The following CHN1 variants were observed in gnomAD, a reference collection of about 807,000 sequenced individuals.
CHN1 encodes N-chimaerin.
In CHN1, 37 loss-of-function variants were observed where a neutral mutation model predicts 59.5. The ratio of observed to expected loss-of-function variants is 0.62; its 90% CI spans 0.48 to 0.82. CHN1 has a LOEUF of 0.82. CHN1 is among the 40% of genes least tolerant of loss of function. The probability of loss-of-function intolerance (pLI) is 0.00; values close to 1 mark genes in which losing one functional copy is unlikely to be tolerated. For missense variants in CHN1, 469 were observed against 571.0 expected (o/e 0.82, Z 1.82); for synonymous variants, 206 against 200.4 (o/e 1.03, Z -0.24).
intron 6 of CHN1, among the ~76,000 whole-genome samples, chr2:174,866,233 A>G (rs1383930830): frequency 6.6e-6 from 1 of 152,216 alleles, no homozygotes; most frequent in East Asian, 1.9e-4. Flanking sequence ...ACTCCAAGCT[A>G]TGACCAAACA....
At chr2:174,936,197 C>T (rs1689490176) in intron 3 of CHN1, among the ~76,000 whole-genome samples, 1 of 152,056 alleles carries the variant, frequency 6.6e-6, no homozygotes, top group Non-Finnish European at 1.5e-5. Flanking sequence ...TATCCAACTC[C>T]CTGCAACACT....
At chr2:174,933,639 T>C (rs1478527675) in intron 3 of CHN1, among the ~76,000 whole-genome samples, 1 of 152,128 alleles carries the variant, frequency 6.6e-6, no homozygotes, top group Non-Finnish European at 1.5e-5. Flanking sequence ...AGCAAAGAAA[T>C]TGAGCGAGGC....
At chr2:174,870,350 CAA>C (rs1268031630) in intron 6 of CHN1, among the ~76,000 whole-genome samples, 3 of 152,054 alleles carry the variant, frequency 2.0e-5, no homozygotes, top group East Asian at 3.9e-4. Context: ...AAGAGGCCCC[CAA>C]AGAGTTAGGG....
intron 6 of CHN1, among the ~76,000 whole-genome samples, chr2:174,860,176 G>A (rs542764269): frequency 2.0e-5 from 3 of 152,190 alleles, no homozygotes; most frequent in South Asian, 2.1e-4. Context: ...TGAAATGAGA[G>A]CGTAGTCTCT....
At chr2:174,983,423 C>T (rs1691225632) in intron 1 of CHN1, among the ~76,000 whole-genome samples, 1 of 151,228 alleles carries the variant, frequency 6.6e-6, no homozygotes, top group Non-Finnish European at 1.5e-5. Context: ...TGCCATGGGC[C>T]AAAAAAACCC....
intron 5 of CHN1, among the ~76,000 whole-genome samples, chr2:174,910,330 G>A (rs1258412435): frequency 2.0e-5 from 3 of 152,002 alleles, no homozygotes; most frequent in African/African-American, 7.2e-5. Flanking sequence ...CCACTAATAA[G>A]TCAAAGTTAA....
chr2:174,859,997 T>C (rs751179405), intron 6 of CHN1, among the ~76,000 whole-genome samples: 1 of 152,136 alleles, frequency 6.6e-6, no homozygotes, highest in Non-Finnish European at 1.5e-5. Flanking sequence ...GGATAGGAGG[T>C]AAAGTGATAT....
At chr2:174,841,594 T>C (rs150430833) in intron 7 of CHN1, among the ~76,000 whole-genome samples, 1 of 152,268 alleles carries the variant, frequency 6.6e-6, no homozygotes, top group East Asian at 1.9e-4. Context: ...CATTGAGAAC[T>C]GGGGAAAGAG....
chr2:174,978,802 T>C (rs1691039497), intron 1 of CHN1, among the ~76,000 whole-genome samples: 2 of 152,312 alleles, frequency 1.3e-5, no homozygotes, highest in South Asian at 4.1e-4. Context: ...ATGTTATCCT[T>C]TGTCCTTCCA....
chr2:174,920,268 T>C (rs1688978280), intron 3 of CHN1, among the ~76,000 whole-genome samples: 1 of 152,244 alleles, frequency 6.6e-6, no homozygotes, highest in Non-Finnish European at 1.5e-5. Flanking sequence ...TCTTGAATAC[T>C]ATGAATAATG....
chr2:174,988,099 C>T (rs1691407765), intron 1 of CHN1, among the ~76,000 whole-genome samples: 1 of 152,108 alleles, frequency 6.6e-6, no homozygotes, highest in Admixed American at 6.5e-5. Flanking sequence ...GTGGCTCACG[C>T]CTGTAATCCC....
At chr2:174,804,697 A>G (rs1389030493) in intron 11 of CHN1, among the ~76,000 whole-genome samples, 1 of 152,208 alleles carries the variant, frequency 6.6e-6, no homozygotes, top group Non-Finnish European at 1.5e-5. Context: ...TGAATGATCC[A>G]GGTTTTTGGC....
At position 175,004,740 on chromosome 2, in the gene CHN1, G is replaced by T. The variant is rs1319597456; in HGVS notation, c.19+154C>A. ...CAATGGGAGAGGCGCGAGGGAGCAA[G>T]CCGGCGCCCCGGGCGCCCCAACTCT... is the stretch of plus-strand genomic sequence containing the variant. On this transcript the variant is annotated intron_variant, in intron 1 of 12. Coordinates refer to ENST00000409900, the MANE Select transcript of CHN1 (RefSeq NM_001822.7). Among the ~76,000 whole-genome samples, 17 of 151,362 alleles carry T rather than the reference G, an allele frequency of 1.1e-4. No homozygotes were observed. In the East Asian group the frequency reaches 3.1e-3, roughly 28 times the overall value.
intron 6 of CHN1, among the ~76,000 whole-genome samples, chr2:174,870,063 T>C (rs918535056): frequency 6.6e-6 from 1 of 152,146 alleles, no homozygotes; most frequent in Non-Finnish European, 1.5e-5. Flanking sequence ...AGATGTAAAA[T>C]TTAAGAATGT....
rs551766697 is a variant in CHN1, at chr2:174,881,952, G to A, written c.261-3824C>T. Among the ~76,000 whole-genome samples the A allele has an allele frequency of 2.0e-4, 30 of 152,330 alleles. No homozygotes were observed. The East Asian group carries it at 5.6e-3, about 28-fold the overall frequency. The stretch of plus-strand genomic sequence containing the variant: ...ATATATTGAAAGCGGGACATATTAA[G>A]TGGACCTAGTGACAGCTACTGAACC... On this transcript the variant is annotated intron_variant, in intron 5 of 12. Transcript: ENST00000409900.
At chr2:174,997,938 G>C (rs1691762470) in intron 1 of CHN1, among the ~76,000 whole-genome samples, 1 of 148,884 alleles carries the variant, frequency 6.7e-6, no homozygotes, top group South Asian at 2.1e-4. Flanking sequence ...AGTGAGCTGA[G>C]ACGATGCCAT....
chr2:174,956,496 C>T (rs937637217), intron 1 of CHN1, among the ~76,000 whole-genome samples: 1 of 152,056 alleles, frequency 6.6e-6, no homozygotes, highest in Non-Finnish European at 1.5e-5. Flanking sequence ...ACAGGCCGGG[C>T]GTGGTGGCTC....
At chr2:174,812,688 T>A (rs1410715127) in intron 8 of CHN1, among the ~76,000 whole-genome samples, 1 of 152,182 alleles carries the variant, frequency 6.6e-6, no homozygotes, top group Non-Finnish European at 1.5e-5. Context: ...ACCAGAATTC[T>A]AGCTCACGCT....
At chr2:174,955,224 TAG>T (rs1690168251) in intron 1 of CHN1, among the ~76,000 whole-genome samples, 1 of 139,920 alleles carries the variant, frequency 7.1e-6, no homozygotes, top group African/African-American at 2.7e-5. Flanking sequence ...TATATCTATA[TAG>T]ATATAGATAT....
Sources: allele counts gnomAD v4.1 joint callset (sites outside exome capture counted in the v4.1 genomes callset), GRCh38; gene constraint gnomAD v4.1.1; transcripts MANE v1.5; gene names NCBI Gene and HGNC (gene_info 2026-07-23, HGNC 2026-07-21).